The following ADARB2 variants were observed in gnomAD, a reference collection of about 807,000 sequenced individuals.
ADARB2 encodes the protein inactive double-stranded RNA-specific editase B2.
In ADARB2, 25 loss-of-function variants were observed where a neutral mutation model predicts 62.2. The ratio of observed to expected loss-of-function variants is 0.40; its 90% CI spans 0.29 to 0.56. The LOEUF is 0.56. Ranked by LOEUF, ADARB2 falls within the 20% of genes least tolerant of loss-of-function variation. The pLI is 0.43. For synonymous variants in ADARB2, 572 were observed against 500.8 expected (o/e 1.14, Z -1.90); for missense variants, 1,071 against 1,077.4 (o/e 0.99, Z 0.08).
intron 1 of ADARB2, among the ~76,000 whole-genome samples, chr10:1,549,264 A>G (rs931982793): frequency 6.6e-6 from 1 of 152,102 alleles, no homozygotes; most frequent in African/African-American, 2.4e-5. Flanking sequence ...CATGGAGCAG[A>G]CATGGCTGAG....
chr10:1,545,609 G>A (rs1469259565), intron 1 of ADARB2, among the ~76,000 whole-genome samples: 7 of 152,108 alleles, frequency 4.6e-5, no homozygotes, highest in Non-Finnish European at 1.0e-4. Flanking sequence ...AAGGGTCCTC[G>A]TGGAGCTCTG....
chr10:1,643,486 G>T (rs1834001847), intron 1 of ADARB2, among the ~76,000 whole-genome samples: 1 of 152,210 alleles, frequency 6.6e-6, no homozygotes, highest in South Asian at 2.1e-4. Flanking sequence ...CTGATGGTGG[G>T]GGGCTAGGGT....
chr10:1,218,093 C>G (rs1830648226), intron 6 of ADARB2, among the ~76,000 whole-genome samples: 1 of 152,190 alleles, frequency 6.6e-6, no homozygotes, highest in Non-Finnish European at 1.5e-5. Context: ...CTCTCTTACC[C>G]AGGCTGGAGT....
intron 3 of ADARB2, among the ~76,000 whole-genome samples, chr10:1,326,892 AC>A (rs1831859109): frequency 1.5e-5 from 1 of 66,444 alleles, no homozygotes; most frequent in African/African-American, 6.4e-5. Flanking sequence ...GCGCCTCCCC[AC>A]TGCCCAGCGC....
intron 6 of ADARB2, among the ~76,000 whole-genome samples, chr10:1,226,275 A>G (rs1379761028): frequency 2.0e-5 from 3 of 151,966 alleles, no homozygotes; most frequent in African/African-American, 7.3e-5. Flanking sequence ...TCCTTTAAGG[A>G]CTTCTCTGCA....
chr10:1,666,794 G>A (rs145879950), intron 1 of ADARB2, among the ~76,000 whole-genome samples: 1 of 152,266 alleles, frequency 6.6e-6, no homozygotes, highest in African/African-American at 2.4e-5. Flanking sequence ...TCTGAGACTC[G>A]AGATGGCCAA....
intron 1 of ADARB2, among the ~76,000 whole-genome samples, chr10:1,496,776 T>C (rs1377051131): frequency 6.6e-6 from 1 of 152,166 alleles, no homozygotes; most frequent in African/African-American, 2.4e-5. Flanking sequence ...ACCAGCATCA[T>C]CATCACCGTC....
intron 3 of ADARB2, among the ~76,000 whole-genome samples, chr10:1,294,606 T>C (rs1271806766): frequency 6.6e-6 from 1 of 152,200 alleles, no homozygotes; most frequent in Non-Finnish European, 1.5e-5. Context: ...GACATGACTG[T>C]CTCGCTTCCC....
chr10:1,469,327 T>C (rs1831293966), intron 1 of ADARB2, among the ~76,000 whole-genome samples: 1 of 152,098 alleles, frequency 6.6e-6, no homozygotes, highest in Non-Finnish European at 1.5e-5. Flanking sequence ...TACTTAGGAG[T>C]CACATCTCTA....
intron 1 of ADARB2, among the ~76,000 whole-genome samples, chr10:1,606,000 T>C (rs1833489312): frequency 6.6e-6 from 1 of 152,228 alleles, no homozygotes; most frequent in South Asian, 2.1e-4. Context: ...GTGATCACGA[T>C]GTTTACCAAT....
At position 1,480,074 on chromosome 10, in the gene ADARB2, C is replaced by G. The variant is rs1001703775; in HGVS notation, c.101-100914G>C. Among the ~76,000 whole-genome samples, 15 of 151,988 alleles carry G rather than the reference C, an allele frequency of 9.9e-5. No homozygotes were observed. The East Asian group carries it at 2.7e-3, about 27-fold the overall frequency. ...AACCATATACAAAACAAAAAAAAAC[C>G]TACAGCGAAAATTGTACTCAATGGT... On this transcript the variant is annotated intron_variant, in intron 1 of 9. Coordinates refer to ENST00000381312, the MANE Select transcript of ADARB2 (RefSeq NM_018702.4).
At chr10:1,232,743 A>G (rs1244544703) in intron 6 of ADARB2, among the ~76,000 whole-genome samples, 1 of 103,326 alleles carries the variant, frequency 9.7e-6, no homozygotes, top group East Asian at 3.4e-4. Flanking sequence ...TGACATGAGT[A>G]GTGTATGTGG....
intron 1 of ADARB2, among the ~76,000 whole-genome samples, chr10:1,431,654 A>G (rs1404274350): frequency 1.3e-5 from 2 of 152,224 alleles, no homozygotes; most frequent in African/African-American, 4.8e-5. Context: ...ATAGAAAATC[A>G]GTGAAATGAA....
chr10:1,287,562 C>A (rs556276375), intron 3 of ADARB2, among the ~76,000 whole-genome samples: 1 of 152,280 alleles, frequency 6.6e-6, no homozygotes, highest in Admixed American at 6.5e-5. Flanking sequence ...TCTCCATTTC[C>A]GTGAGAGTTC....
intron 1 of ADARB2, among the ~76,000 whole-genome samples, chr10:1,636,582 G>A (rs1243878973): frequency 6.6e-6 from 1 of 151,990 alleles, no homozygotes; most frequent in Non-Finnish European, 1.5e-5. Flanking sequence ...AGTTGCAAGA[G>A]ATACCACAGT....
At position 1,460,761 on chromosome 10, in the gene ADARB2, A is replaced by G. The variant is rs868787816; in HGVS notation, c.101-81601T>C. Among the ~76,000 whole-genome samples, 8 of 125,152 alleles carry G rather than the reference A, an allele frequency of 6.4e-5. 1 individual carries two copies. The South Asian group carries it at 9.6e-4, about 15-fold the overall frequency. 82.1% of individuals were successfully genotyped at this position (125,152 alleles called of 152,430 possible). A position where few individuals can be genotyped will look rare whatever the true frequency, so the allele number is the denominator to read the frequency against. On this transcript the variant is annotated intron_variant, in intron 1 of 9. Transcript: ENST00000381312. ...CCTGTGACCTGAGTTTACCTGCGTA[A>G]CAAACCTGCCTGTGACCTGAGTTTA... is the stretch of plus-strand genomic sequence containing the variant.
intron 1 of ADARB2, among the ~76,000 whole-genome samples, chr10:1,467,062 C>T (rs1018047006): frequency 6.6e-6 from 1 of 152,096 alleles, no homozygotes; most frequent in Non-Finnish European, 1.5e-5. Flanking sequence ...CTCTCTCTCT[C>T]GCTTTCTCTC....
At chr10:1,574,151 C>T (rs1262982665) in intron 1 of ADARB2, among the ~76,000 whole-genome samples, 1 of 152,148 alleles carries the variant, frequency 6.6e-6, no homozygotes, top group Admixed American at 6.5e-5. Context: ...CCAGCTGAGC[C>T]GTCTGCTGAG....
chr10:1,347,207 G>A (rs1832088906), intron 3 of ADARB2, among the ~76,000 whole-genome samples: 1 of 152,186 alleles, frequency 6.6e-6, no homozygotes, highest in Admixed American at 6.5e-5. Flanking sequence ...GAGCTCGTCT[G>A]GATTTTCCCT....
Sources: gnomAD v4.1 joint callset for allele counts (sites outside exome capture counted in the v4.1 genomes callset) on GRCh38, gnomAD v4.1.1 for gene constraint, MANE v1.5 for transcripts, NCBI Gene and HGNC (gene_info 2026-07-23, HGNC 2026-07-21) for gene names.